The following INPP4B variants were observed in gnomAD, a reference collection of about 807,000 sequenced individuals.
The protein encoded by INPP4B is inositol polyphosphate 4-phosphatase type II.
Under a neutral mutation model 122.5 loss-of-function variants are expected in INPP4B, and 55 were observed. The ratio of observed to expected loss-of-function variants is 0.45; its 90% CI spans 0.36 to 0.56. INPP4B has a LOEUF of 0.56. INPP4B is among the 20% of genes least tolerant of loss of function. The pLI is 0.00. For missense variants in INPP4B, 1,000 were observed against 1,097.7 expected (o/e 0.91, Z 1.26); for synonymous variants, 403 against 388.7 (o/e 1.04, Z -0.43).
intron 15 of INPP4B, among the ~76,000 whole-genome samples, chr4:142,174,516 G>A (rs912377276): frequency 2.6e-5 from 4 of 152,098 alleles, no homozygotes; most frequent in African/African-American, 9.7e-5. Flanking sequence ...AAGGACATTA[G>A]TAGCAGAATG....
Position 142,027,297 on chromosome 4 carries a change from C to T in INPP4B, c.*1485G>A, listed in dbSNP as rs1737301405. On this transcript the variant is annotated 3_prime_UTR_variant, in exon 26 of 26. Coordinates refer to ENST00000262992, the MANE Select transcript of INPP4B (RefSeq NM_001101669.3). Reference sequence around the variant, plus strand: ...TAACATGGGGCTAGAATCCTTATTTCAACAGGAATCCTAGGCAAGGAGCTA... The same window carrying T: ...TAACATGGGGCTAGAATCCTTATTTTAACAGGAATCCTAGGCAAGGAGCTA... 6.6e-6 allele frequency: 1 copy of T among 152,112 alleles called. No individual in the cohort carries two copies. The highest frequency in any genetic ancestry group is 2.4e-5 in the African/African-American group (1 of 41,436). 9.4% of individuals were successfully genotyped at this position (152,112 alleles called of 1,614,324 possible). A position where few individuals can be genotyped will look rare whatever the true frequency, so the allele number is the denominator to read the frequency against.
chr4:142,640,077 G>A (rs1316498289), intron 2 of INPP4B, among the ~76,000 whole-genome samples: 1 of 151,968 alleles, frequency 6.6e-6, no homozygotes, highest in Non-Finnish European at 1.5e-5. Context: ...ACCTAGAAAG[G>A]ATACGAGGGC....
At chr4:142,169,900 G>A (rs923467896) in intron 16 of INPP4B, among the ~76,000 whole-genome samples, 3 of 151,546 alleles carry the variant, frequency 2.0e-5, no homozygotes, top group Non-Finnish European at 4.4e-5. Flanking sequence ...ATTAAACAAG[G>A]TCTATCAATC....
intron 25 of INPP4B, among the ~76,000 whole-genome samples, chr4:142,036,882 C>T (rs1014150306): frequency 3.9e-5 from 6 of 152,158 alleles, no homozygotes; most frequent in African/African-American, 1.4e-4. Context: ...GGACTGCTTC[C>T]TACTAAGAAT....
At chr4:142,251,092 T>G (rs1731782269) in intron 11 of INPP4B, among the ~76,000 whole-genome samples, 1 of 152,208 alleles carries the variant, frequency 6.6e-6, no homozygotes, top group Non-Finnish European at 1.5e-5. Context: ...TTTTTCAATA[T>G]GATCTCTGTG....
At chr4:142,774,795 C>T (rs1773599784) in intron 1 of INPP4B, among the ~76,000 whole-genome samples, 1 of 152,156 alleles carries the variant, frequency 6.6e-6, no homozygotes, top group Middle Eastern at 3.4e-3. Flanking sequence ...ATACCTTGCA[C>T]ATGCAGTTTC....
intron 9 of INPP4B, 103 bp downstream of exon 9, chr4:142,305,355 A>C: frequency 1.2e-6 from 1 of 815,090 alleles, no homozygotes; most frequent in South Asian, 1.7e-5. Context: ...TTGAGAACTG[A>C]CATCTAACAT....
chr4:142,340,072 C>T (rs1186646834), intron 7 of INPP4B, among the ~76,000 whole-genome samples: 5 of 152,120 alleles, frequency 3.3e-5, no homozygotes, highest in Non-Finnish European at 4.4e-5. Context: ...ATGAAAGTCT[C>T]TCCAAACTGG....
chr4:142,618,383 A>G (rs1193335457), intron 2 of INPP4B, among the ~76,000 whole-genome samples: 4 of 152,126 alleles, frequency 2.6e-5, no homozygotes, highest in African/African-American at 9.6e-5. Context: ...AATGAAAGAC[A>G]TATGGACCAA....
At chr4:142,317,249 T>G (rs1018926303) in intron 7 of INPP4B, 1 of 338,642 alleles carries the variant, frequency 3.0e-6, no homozygotes, top group African/African-American at 2.2e-5. Flanking sequence ...TGGCAGATTA[T>G]GTGGACCATC....
chr4:142,221,409 A>G (rs977449802), intron 12 of INPP4B, among the ~76,000 whole-genome samples: 13 of 150,688 alleles, frequency 8.6e-5, no homozygotes, highest in African/African-American at 2.2e-4. Context: ...AAAAAAAAAA[A>G]AAAAAAGAAA....
At chr4:142,764,750 A>G (rs1348200789) in intron 1 of INPP4B, among the ~76,000 whole-genome samples, 3 of 151,704 alleles carry the variant, frequency 2.0e-5, no homozygotes, top group Non-Finnish European at 4.4e-5. Flanking sequence ...ATCAAGATCT[A>G]CTCTGAAGAC....
intron 9 of INPP4B, among the ~76,000 whole-genome samples, chr4:142,295,273 T>C (rs60009727): frequency 1.5e-3 from 236 of 152,328 alleles, no homozygotes; most frequent in African/African-American, 5.3e-3. Flanking sequence ...CCATACTTCT[T>C]GTACAAATAT....
intron 2 of INPP4B, among the ~76,000 whole-genome samples, chr4:142,554,525 T>G (rs1425479671): frequency 6.6e-6 from 1 of 152,190 alleles, no homozygotes; most frequent in Non-Finnish European, 1.5e-5. Flanking sequence ...TTCAGGCTAA[T>G]GAAAGGCAAG....
intron 11 of INPP4B, among the ~76,000 whole-genome samples, chr4:142,250,409 G>T (rs2150178764): frequency 6.6e-6 from 1 of 152,296 alleles, no homozygotes; most frequent in East Asian, 1.9e-4. Flanking sequence ...ACTGGAGACT[G>T]AAAAGCTCCA....
intron 14 of INPP4B, 47 bp from the exon 15 acceptor site, chr4:142,193,242 C>A (rs2149360446): frequency 9.3e-7 from 1 of 1,075,146 alleles, no homozygotes; most frequent in Non-Finnish European, 1.4e-6. Flanking sequence ...AAACATTTAT[C>A]TCCGTCATGC....
At chr4:142,732,299 G>T (rs767537547) in intron 1 of INPP4B, among the ~76,000 whole-genome samples, 1 of 151,690 alleles carries the variant, frequency 6.6e-6, no homozygotes, top group Non-Finnish European at 1.5e-5. Context: ...CTATAATCCA[G>T]CTTTTCTTTT....
chr4:142,721,511 G>T (rs1764675185), intron 2 of INPP4B, among the ~76,000 whole-genome samples: 1 of 152,144 alleles, frequency 6.6e-6, no homozygotes. Flanking sequence ...TTGGAATTTA[G>T]ATTTTATTCT....
chr4:142,656,438 T>C (rs1754154901), intron 2 of INPP4B, among the ~76,000 whole-genome samples: 1 of 152,210 alleles, frequency 6.6e-6, no homozygotes, highest in Admixed American at 6.5e-5. Flanking sequence ...CTGGGACTTC[T>C]GACAGTGGGG....
Sources: gnomAD v4.1 joint callset for allele counts (sites outside exome capture counted in the v4.1 genomes callset) on GRCh38, gnomAD v4.1.1 for gene constraint, MANE v1.5 for transcripts, NCBI Gene and HGNC (gene_info 2026-07-23, HGNC 2026-07-21) for gene names.